TXNDC8: variants seen among roughly 807,000 people sequenced by gnomAD.
TXNDC8 encodes thioredoxin domain-containing protein 8.
In TXNDC8, 15 loss-of-function variants were observed where a neutral mutation model predicts 12.9. The ratio of observed to expected loss-of-function variants is 1.16; its 90% confidence interval spans 0.78 to 1.79. The LOEUF (loss-of-function observed/expected upper bound fraction) is 1.79. TXNDC8 is among the 40% of genes most tolerant of loss of function. The pLI is 0.00. For synonymous variants in TXNDC8, 40 were observed against 35.4 expected, an observed-to-expected ratio of 1.13 and a Z score of -0.46; for missense variants, 128 against 113.2, an observed-to-expected ratio of 1.13 and a Z score of -0.59.
At chr9:110,325,677 C>T (rs960606522) in intron 3 of TXNDC8, among the ~76,000 whole-genome samples, 2 of 152,038 alleles carry the variant, frequency 1.3e-5, no homozygotes, top group Non-Finnish European at 2.9e-5. Flanking sequence ...CCCGCCACCA[C>T]GCCTGGCTAA....
chr9:110,301,862 C>G (rs1456124460), downstream of TXNDC8, among the ~76,000 whole-genome samples: 1 of 152,172 alleles, frequency 6.6e-6, no homozygotes, highest in Non-Finnish European at 1.5e-5. Context: ...TTTTAAGTGC[C>G]TATTCCAGTG....
Position 110,303,568 on chromosome 9 carries a change from C to A in TXNDC8, c.*114G>T. On this transcript the variant is annotated 3_prime_UTR_variant, in exon 5 of 5. Transcript: ENST00000423740. Reference sequence around the variant, plus strand: ...GCTTCCAATTTTTTAGCATCGGCTCCACAAAACTCAAAAATCTGTTCACAA... The same window carrying A: ...GCTTCCAATTTTTTAGCATCGGCTCAACAAAACTCAAAAATCTGTTCACAA... 1.9e-6 allele frequency: 3 copies of A among 1,538,870 alleles called. No homozygotes were observed. The highest frequency in any genetic ancestry group is 2.6e-6 in the Non-Finnish European group (3 of 1,137,326).
downstream of TXNDC8, among the ~76,000 whole-genome samples, chr9:110,302,341 G>T (rs1366005762): frequency 6.6e-6 from 1 of 152,056 alleles, no homozygotes; most frequent in East Asian, 1.9e-4. Context: ...TCACCATGTT[G>T]CCCAGGCTGG....
rs899520449 is a variant in TXNDC8, at chr9:110,337,029, G to A, written c.24+744C>T. The stretch of plus-strand genomic sequence containing the variant: ...ATGTTTCAAAACATGTTCTTATGTC[G>A]AAGTTACAGGGCAGTACTCTCTTTC... On this transcript the variant is annotated intron_variant, in intron 1 of 4. Transcript: ENST00000423740. 1.1e-4 allele frequency among the ~76,000 whole-genome samples: 16 copies of A among 152,280 alleles called. 1 individual carries two copies. The East Asian group carries it at 1.2e-3, about 11-fold the overall frequency.
At chr9:110,318,497 G>A (rs1461493946) in intron 3 of TXNDC8, among the ~76,000 whole-genome samples, 1 of 152,148 alleles carries the variant, frequency 6.6e-6, no homozygotes, top group Non-Finnish European at 1.5e-5. Flanking sequence ...AGCCCTTTGG[G>A]AGGCCGAGGC....
At chr9:110,311,722 CAT>C (rs1049375437) in intron 3 of TXNDC8, among the ~76,000 whole-genome samples, 19 of 114,330 alleles carry the variant, frequency 1.7e-4, no homozygotes, top group Admixed American at 1.4e-3. Context: ...TTACTATATC[CAT>C]ATATATACTA....
intron 3 of TXNDC8, among the ~76,000 whole-genome samples, chr9:110,309,663 C>T (rs936007565): frequency 6.6e-6 from 1 of 152,116 alleles, no homozygotes; most frequent in Non-Finnish European, 1.5e-5. Context: ...AAAGGCTTAT[C>T]CAGGAAACAC....
chr9:110,327,264 T>C (rs1224393441), intron 2 of TXNDC8, among the ~76,000 whole-genome samples: 1 of 151,946 alleles, frequency 6.6e-6, no homozygotes, highest in Non-Finnish European at 1.5e-5. Context: ...CCTGGATATA[T>C]ACCCAAGGGA....
intron 3 of TXNDC8, among the ~76,000 whole-genome samples, chr9:110,306,908 T>C (rs1838490247): frequency 1.3e-5 from 2 of 152,086 alleles, no homozygotes; most frequent in Admixed American, 6.6e-5. Flanking sequence ...ACACCAAGGA[T>C]GAAGACTATA....
At chr9:110,329,748 G>A (rs74387339) in intron 2 of TXNDC8, among the ~76,000 whole-genome samples, 13,670 of 152,108 alleles carry the variant, frequency 0.09, 655 homozygotes, top group Admixed American at 0.13. Flanking sequence ...GTGCTAGAAG[G>A]CTGTTCTGCT....
At chr9:110,327,479 C>T (rs1037648534) in intron 2 of TXNDC8, among the ~76,000 whole-genome samples, 4 of 152,028 alleles carry the variant, frequency 2.6e-5, no homozygotes, top group Non-Finnish European at 4.4e-5. Context: ...TGCATCATCA[C>T]GCCTGGCCAA....
chr9:110,310,119 G>A (rs1259037660), intron 3 of TXNDC8, among the ~76,000 whole-genome samples: 2 of 151,956 alleles, frequency 1.3e-5, no homozygotes, highest in Non-Finnish European at 2.9e-5. Context: ...TGGTCTTTGT[G>A]CACATTCACA....
chr9:110,319,293 G>A (rs1202035835), intron 3 of TXNDC8, among the ~76,000 whole-genome samples: 1 of 152,182 alleles, frequency 6.6e-6, no homozygotes, highest in African/African-American at 2.4e-5. Context: ...AATGGATGTT[G>A]TAGTTATTGA....
intron 3 of TXNDC8, among the ~76,000 whole-genome samples, chr9:110,311,529 A>G (rs1262959195): frequency 1.9e-5 from 2 of 105,296 alleles, no homozygotes; most frequent in African/African-American, 1.1e-4. Context: ...AGGTATATAT[A>G]TATATATATA....
At chr9:110,307,674 A>G (rs12378727) in intron 3 of TXNDC8, among the ~76,000 whole-genome samples, 17,687 of 152,120 alleles carry the variant, frequency 0.12, 1,134 homozygotes, top group African/African-American at 0.17. Context: ...TCACCTCTCC[A>G]CTCACTGAGA....
At chr9:110,320,989 G>A (rs1839072694) in intron 3 of TXNDC8, among the ~76,000 whole-genome samples, 1 of 152,212 alleles carries the variant, frequency 6.6e-6, no homozygotes, top group African/African-American at 2.4e-5. Context: ...TTGCATCCCT[G>A]CCAGATGTTC....
chr9:110,312,493 C>A (rs2118747397), intron 3 of TXNDC8, among the ~76,000 whole-genome samples: 1 of 152,312 alleles, frequency 6.6e-6, no homozygotes, highest in African/African-American at 2.4e-5. Context: ...TAAAGAATGT[C>A]ACTTTCTGAC....
At chr9:110,306,727 A>T (rs1355378888) in intron 3 of TXNDC8, among the ~76,000 whole-genome samples, 1 of 152,120 alleles carries the variant, frequency 6.6e-6, no homozygotes, top group Non-Finnish European at 1.5e-5. Context: ...ACATATACCC[A>T]TGTTATTTTA....
At chr9:110,333,999 G>A (rs909842307) in intron 2 of TXNDC8, among the ~76,000 whole-genome samples, 3 of 152,154 alleles carry the variant, frequency 2.0e-5, no homozygotes, top group African/African-American at 7.2e-5. Flanking sequence ...GGATGTTCTT[G>A]CAGAATTACC....
Sources: gnomAD v4.1 joint callset for allele counts (sites outside exome capture counted in the v4.1 genomes callset) on GRCh38, gnomAD v4.1.1 for gene constraint, MANE v1.5 for transcripts, NCBI Gene and HGNC (gene_info 2026-07-23, HGNC 2026-07-21) for gene names.